STXBP5: variants seen among roughly 807,000 people sequenced by gnomAD.
The protein encoded by STXBP5 is syntaxin-binding protein 5.
STXBP5 carries 50 observed loss-of-function variants against 152.4 expected under a neutral mutation model. The observed-to-expected ratio is 0.33, with a 90% confidence interval of 0.26 to 0.42. The LOEUF (loss-of-function observed/expected upper bound fraction) is 0.42. Among genes scored for constraint, STXBP5 ranks in the 10% least tolerant of loss-of-function variants. The pLI is 1.00. For synonymous variants in STXBP5, 492 were observed against 494.7 expected, an observed-to-expected ratio of 0.99 and a Z score of 0.07; for missense variants, 1,167 against 1,388.6, an observed-to-expected ratio of 0.84 and a Z score of 2.54.
Position 147,291,164 on chromosome 6 carries a change from T to G in STXBP5, c.909T>G (p.Thr303=), listed in dbSNP as rs200147288. The G allele has an allele frequency of 1.7e-5, 27 of 1,612,214 alleles. No homozygotes were observed. Among genetic ancestry groups the G allele is most frequent in the Non-Finnish European group, 2.3e-5 (27 of 1,178,962 alleles). Residue 303 remains threonine (T), a synonymous_variant, in exon 9 of 28, where the codon ACT becomes ACG. Transcript: ENST00000321680. The stretch of plus-strand genomic sequence containing the variant: ...TCCTCAAGGTGGAATTCAAAACGAC[T>G]AGATCTGGGTAAGATTTTACTTCAT... ...KPILKVEFKT[T]RSGEPFIILS...
At chr6:147,213,434 A>ATATGTGTGTGTGTGTGTG (rs1216361619) in intron 2 of STXBP5, among the ~76,000 whole-genome samples, 7 of 85,578 alleles carry the variant, frequency 8.2e-5, no homozygotes, top group Middle Eastern at 5.4e-3. Flanking sequence ...AATTTTATAT[A>ATATGTGTGTGTGTGTGTG]TGTGTGTGTG....
At chr6:147,314,454 A>G in intron 13 of STXBP5, 123 bp downstream of exon 13, 2 of 1,285,576 alleles carry the variant, frequency 1.6e-6, no homozygotes, top group Non-Finnish European at 2.2e-6. Flanking sequence ...ATAATAAGAA[A>G]TGTTATTCTT....
At chr6:147,310,345 C>G (rs946471049) in intron 10 of STXBP5, 107 bp downstream of exon 10, 1 of 881,500 alleles carries the variant, frequency 1.1e-6, no homozygotes, top group Non-Finnish European at 1.5e-6. Context: ...TGTGCTAATT[C>G]TTCTGGAGAA....
At chr6:147,378,410 A>T (rs962748773) in intron 26 of STXBP5, among the ~76,000 whole-genome samples, 2 of 38,422 alleles carry the variant, frequency 5.2e-5, no homozygotes, top group East Asian at 6.7e-4. Context: ...ATTTATCATT[A>T]AAAAAAAAAA....
intron 14 of STXBP5, among the ~76,000 whole-genome samples, chr6:147,315,194 G>A (rs1782582274): frequency 1.3e-5 from 2 of 152,044 alleles, no homozygotes; most frequent in African/African-American, 4.8e-5. Flanking sequence ...ATTTTAGGAA[G>A]CAAACTGTGT....
At chr6:147,325,664 C>G (rs1001983980) in intron 17 of STXBP5, among the ~76,000 whole-genome samples, 1 of 152,106 alleles carries the variant, frequency 6.6e-6, no homozygotes, top group Non-Finnish European at 1.5e-5. Flanking sequence ...TTTCAGAAAT[C>G]AACACTGCAG....
chr6:147,237,261 G>A (rs1778323021), intron 3 of STXBP5, among the ~76,000 whole-genome samples: 1 of 151,798 alleles, frequency 6.6e-6, no homozygotes, highest in Non-Finnish European at 1.5e-5. Context: ...CTTTGGAAGG[G>A]CCATTTTTTT....
At chr6:147,240,051 T>G (rs962307456) in intron 4 of STXBP5, among the ~76,000 whole-genome samples, 1 of 151,994 alleles carries the variant, frequency 6.6e-6, no homozygotes, top group Non-Finnish European at 1.5e-5. Context: ...CAAGTGATTC[T>G]CATGCCTCAG....
At chr6:147,329,327 C>T (rs992394566) in intron 18 of STXBP5, among the ~76,000 whole-genome samples, 1 of 148,732 alleles carries the variant, frequency 6.7e-6, no homozygotes, top group Admixed American at 6.7e-5. Context: ...TTGAGTTTTT[C>T]TTTATTAGTT....
chr6:147,259,850 A>T (rs1779561912), intron 4 of STXBP5, among the ~76,000 whole-genome samples: 1 of 152,138 alleles, frequency 6.6e-6, no homozygotes, highest in Non-Finnish European at 1.5e-5. Flanking sequence ...GACGGTATTC[A>T]TTCTTTGCCT....
chr6:147,213,477 T>TGTGTGTGTGTGTGCGCGCGCGCGCGC, intron 2 of STXBP5, among the ~76,000 whole-genome samples: 9 of 131,276 alleles, frequency 6.9e-5, no homozygotes, highest in African/African-American at 2.9e-4. Flanking sequence ...TGTGTGTGTG[T>TGTGTGTGTGTGTGCGCGCGCGCGCGC]GCGCGCGCAT....
At chr6:147,210,895 C>T (rs1776816171) in intron 2 of STXBP5, among the ~76,000 whole-genome samples, 1 of 152,142 alleles carries the variant, frequency 6.6e-6, no homozygotes, top group South Asian at 2.1e-4. Flanking sequence ...CTTCATTTCT[C>T]TCAGCGAATA....
intron 8 of STXBP5, among the ~76,000 whole-genome samples, chr6:147,289,839 G>C (rs150391452): frequency 1.3e-5 from 2 of 152,014 alleles, no homozygotes; most frequent in Non-Finnish European, 2.9e-5. Flanking sequence ...ACTTTACCCA[G>C]ATATACTATA....
chr6:147,380,009 C>G (rs2128422265), intron 26 of STXBP5, among the ~76,000 whole-genome samples: 1 of 152,174 alleles, frequency 6.6e-6, no homozygotes, highest in South Asian at 2.1e-4. Flanking sequence ...ACCCACATCT[C>G]ATGTTCATGG....
chr6:147,262,922 A>C (rs1779711195), intron 6 of STXBP5, among the ~76,000 whole-genome samples: 2 of 151,842 alleles, frequency 1.3e-5, no homozygotes, highest in African/African-American at 4.8e-5. Flanking sequence ...TTTTGGATGA[A>C]TTTTTATTTT....
At chr6:147,289,852 C>T (rs2128350974) in intron 8 of STXBP5, among the ~76,000 whole-genome samples, 2 of 152,192 alleles carry the variant, frequency 1.3e-5, no homozygotes, top group South Asian at 4.2e-4. Flanking sequence ...ATACTATATG[C>T]CAAACAATGT....
intron 4 of STXBP5, among the ~76,000 whole-genome samples, chr6:147,242,084 G>A (rs1778575156): frequency 6.6e-6 from 1 of 151,708 alleles, no homozygotes; most frequent in South Asian, 2.1e-4. Context: ...CTTCTAGTGG[G>A]ACAAGATCTA....
chr6:147,260,796 A>G (rs776998051), intron 5 of STXBP5, 47 bp downstream of exon 5: 7 of 1,583,930 alleles, frequency 4.4e-6, no homozygotes. Context: ...AGTTCTATAT[A>G]TAATAATACC....
At chr6:147,337,052 T>C (rs1487256065) in intron 19 of STXBP5, among the ~76,000 whole-genome samples, 1 of 152,032 alleles carries the variant, frequency 6.6e-6, no homozygotes, top group East Asian at 1.9e-4. Flanking sequence ...CTACTGAACA[T>C]ATGCATCCTG....
Sources: gnomAD v4.1 joint callset for allele counts (sites outside exome capture counted in the v4.1 genomes callset) on GRCh38, gnomAD v4.1.1 for gene constraint, MANE v1.5 for transcripts, NCBI Gene and HGNC (gene_info 2026-07-23, HGNC 2026-07-21) for gene names.